The following MINDY2 variants were observed in gnomAD, a reference collection of about 807,000 sequenced individuals.
The protein encoded by MINDY2 is ubiquitin carboxyl-terminal hydrolase MINDY-2.
A neutral mutation model predicts 68.2 loss-of-function variants in MINDY2; 52 were observed. That is an observed-to-expected ratio of 0.76 (90% CI 0.61 to 0.96). MINDY2 has a LOEUF of 0.96. MINDY2 is among the 40% of genes least tolerant of loss of function. The pLI is 0.00. For synonymous variants in MINDY2, 372 were observed against 303.0 expected, an observed-to-expected ratio of 1.23 and a Z score of -2.36; for missense variants, 881 against 773.4, an observed-to-expected ratio of 1.14 and a Z score of -1.65.
At chr15:58,780,629 C>T (rs1020757894) in intron 1 of MINDY2, among the ~76,000 whole-genome samples, 2 of 152,092 alleles carry the variant, frequency 1.3e-5, no homozygotes, top group African/African-American at 2.4e-5. Flanking sequence ...TTCCTTAGAT[C>T]GATTCCTGGG....
chr15:58,821,673 T>G, intron 4 of MINDY2, 44 bp from the exon 5 acceptor site: 1 of 1,223,370 alleles, frequency 8.2e-7, no homozygotes, highest in Non-Finnish European at 1.1e-6. Flanking sequence ...TTTGTTTTGT[T>G]CCTAATCTTA....
At chr15:58,817,076 G>T (rs1176368681) in intron 4 of MINDY2, among the ~76,000 whole-genome samples, 3 of 152,084 alleles carry the variant, frequency 2.0e-5, no homozygotes, top group Admixed American at 6.6e-5. Flanking sequence ...TCAAAAACAA[G>T]ATACAAACCT....
chr15:58,793,851 T>C (rs561282422), intron 2 of MINDY2, among the ~76,000 whole-genome samples: 1 of 151,822 alleles, frequency 6.6e-6, no homozygotes, highest in Non-Finnish European at 1.5e-5. Context: ...AGAGGGAAGG[T>C]ATAAAATAAT....
intron 4 of MINDY2, among the ~76,000 whole-genome samples, chr15:58,821,258 A>G (rs2031042610): frequency 6.6e-6 from 1 of 151,638 alleles, no homozygotes; most frequent in Non-Finnish European, 1.5e-5. Context: ...AAATGGAATA[A>G]TTTTATTAAT....
In MINDY2 at chr15:58,810,254, T is replaced by G. The variant is rs2030136597; in HGVS notation, c.988T>G (p.Leu330Val). 1 of 1,610,418 alleles carries G rather than the reference T, an allele frequency of 6.2e-7. No homozygotes were observed. The highest frequency in any genetic ancestry group is 8.5e-7 in the Non-Finnish European group (1 of 1,179,184). The stretch of plus-strand genomic sequence containing the variant: ...GAATATGAGTGATGCCATGGCAATT[T>G]TGCACAAACTACAGACAGGCCTGGA... ...EQNMSDAMAI[L>V]HKLQTGLDVN... Residue 330 changes from leucine to valine, a missense_variant, in exon 4 of 9, where the codon TTG (leucine) becomes GTG (valine). Coordinates refer to ENST00000559228, the MANE Select transcript of MINDY2 (RefSeq NM_001040450.3).
At position 58,855,359 on chromosome 15, in the gene MINDY2, C is replaced by G. The variant is rs1357439353; in HGVS notation, c.*749C>G. 1 of 152,488 alleles carries G rather than the reference C, an allele frequency of 6.6e-6. No individual in the cohort carries two copies. The highest frequency in any genetic ancestry group is 6.5e-5 in the Admixed American group (1 of 15,270). The allele number at this position is 152,488 out of a possible 1,614,324, so 9.4% of individuals were successfully genotyped here. A position where few individuals can be genotyped will look rare whatever the true frequency, so the allele number is the denominator to read the frequency against. On this transcript the variant is annotated 3_prime_UTR_variant, in exon 9 of 9. Coordinates refer to ENST00000559228, the MANE Select transcript of MINDY2 (RefSeq NM_001040450.3). ...TTTTGAGGAATTTTGGAGTCTTTAT[C>G]ATAGGTAACCTGGACCACAGTTACT...
intron 4 of MINDY2, among the ~76,000 whole-genome samples, chr15:58,820,113 A>G (rs1428192847): frequency 6.6e-6 from 1 of 152,106 alleles, no homozygotes; most frequent in Non-Finnish European, 1.5e-5. Flanking sequence ...TAAAAATACA[A>G]AAATTAGTTG....
Position 58,810,278 on chromosome 15 carries a change from G to T in MINDY2, c.1012G>T (p.Asp338Tyr). The T allele has an allele frequency of 6.2e-7, 1 of 1,613,650 alleles. No individual in the cohort carries two copies. The highest frequency in any genetic ancestry group is 8.5e-7 in the Non-Finnish European group (1 of 1,179,862). The part of the protein sequence containing the change: ...AILHKLQTGL[D>Y]VNVRFTGVRV... Reference sequence around the variant, plus strand: ...TTTGCACAAACTACAGACAGGCCTGGATGTAAATGTAAGATTCACTGGTGT... The same window carrying T: ...TTTGCACAAACTACAGACAGGCCTGTATGTAAATGTAAGATTCACTGGTGT... The change falls in exon 4 of 9, where the codon GAT (aspartate) becomes TAT (tyrosine). Residue 338 changes from aspartate (D) to tyrosine (Y), a missense_variant. Asp to Tyr is a radical substitution (Grantham distance 160). Transcript: ENST00000559228.
chr15:58,777,224 T>C (rs1686586580), intron 1 of MINDY2, among the ~76,000 whole-genome samples: 1 of 152,220 alleles, frequency 6.6e-6, no homozygotes, highest in African/African-American at 2.4e-5. Context: ...GTTAGAGTTA[T>C]CAAGACTTGG....
chr15:58,822,273 A>T (rs540520380), intron 5 of MINDY2, among the ~76,000 whole-genome samples: 95 of 151,976 alleles, frequency 6.3e-4, no homozygotes, highest in African/African-American at 2.1e-3. Context: ...AAAGAAGAAG[A>T]AGTAATCATT....
At chr15:58,836,341 A>G (rs756657053) in intron 6 of MINDY2, among the ~76,000 whole-genome samples, 1 of 151,730 alleles carries the variant, frequency 6.6e-6, no homozygotes. Context: ...TCCATATTCA[A>G]ATTTGCCACT....
chr15:58,788,377 G>A (rs1025176452), intron 2 of MINDY2, among the ~76,000 whole-genome samples: 1 of 152,180 alleles, frequency 6.6e-6, no homozygotes, highest in Admixed American at 6.5e-5. Context: ...TCTACAAAAT[G>A]TTAGTTATCA....
chr15:58,851,865 C>T lies in MINDY2; in HGVS notation c.1637C>T (p.Ala546Val). 6.2e-7 allele frequency: 1 copy of T among 1,613,226 alleles called. No individual in the cohort carries two copies. Among genetic ancestry groups the T allele is most frequent in the Non-Finnish European group, 8.5e-7 (1 of 1,179,642 alleles). Reference sequence around the variant, plus strand: ...GAAGGAATCAGTGATTTGGAACTAGCAAAGAAACTCCAAGAGGAAGAGGAC... The same window carrying T: ...GAAGGAATCAGTGATTTGGAACTAGTAAAGAAACTCCAAGAGGAAGAGGAC... Reference protein sequence around the residue: ...IPEGISDLELAKKLQEEEDRR... With the variant: ...IPEGISDLELVKKLQEEEDRR... Residue 546 changes from alanine (A) to valine (V), a missense_variant, in exon 8 of 9, where the codon GCA (alanine) becomes GTA (valine). Coordinates refer to ENST00000559228, the MANE Select transcript of MINDY2 (RefSeq NM_001040450.3).
Position 58,854,692 on chromosome 15 carries a change from C to G in MINDY2, c.*82C>G, listed in dbSNP as rs1227574361. On this transcript the variant is annotated 3_prime_UTR_variant, in exon 9 of 9. Transcript: ENST00000559228. The stretch of plus-strand genomic sequence containing the variant: ...GGAAAGGAAGAAAAACCGATCAATA[C>G]CGTCTGTGCCTGATTTCCTAATGGA... 1.4e-6 allele frequency: 2 copies of G among 1,441,508 alleles called. No homozygotes were observed. Among genetic ancestry groups the G allele is most frequent in the Non-Finnish European group, 1.8e-6 (2 of 1,083,746 alleles). The allele number at this position is 1,441,508 out of a possible 1,614,324, so 89.3% of individuals were successfully genotyped here. A position where few individuals can be genotyped will look rare whatever the true frequency, so the allele number is the denominator to read the frequency against.
chr15:58,783,813 C>T (rs888676060), intron 1 of MINDY2, among the ~76,000 whole-genome samples: 6 of 152,016 alleles, frequency 3.9e-5, no homozygotes, highest in African/African-American at 1.4e-4. Context: ...AGCATGGTGG[C>T]GCACACCTGT....
At position 58,851,700 on chromosome 15, in the gene MINDY2, G is replaced by A. The variant is rs1171525104; in HGVS notation, c.1543-71G>A. 2.2e-5 allele frequency: 25 copies of A among 1,153,114 alleles called. No homozygotes were observed. In the Admixed American group the frequency reaches 3.0e-4, roughly 14 times the overall value. 71.4% of individuals were successfully genotyped at this position (1,153,114 alleles called of 1,614,324 possible). ...ATTCTTACAGCTTTATAGATATAAC[G>A]TTTGTATTTGCAGTCATTCATTCTT... is the stretch of plus-strand genomic sequence containing the variant. On this transcript the variant is annotated intron_variant, in intron 7 of 8. Transcript: ENST00000559228.
chr15:58,819,592 C>T (rs2030930946), intron 4 of MINDY2, among the ~76,000 whole-genome samples: 1 of 152,182 alleles, frequency 6.6e-6, no homozygotes. Context: ...AAGATACCCT[C>T]CTGCCTCAGC....
chr15:58,797,743 G>A (rs2140943845), intron 2 of MINDY2, among the ~76,000 whole-genome samples: 1 of 152,218 alleles, frequency 6.6e-6, no homozygotes, highest in South Asian at 2.1e-4. Flanking sequence ...GTTATCACTA[G>A]CACTCTACTT....
rs2033048220 is a variant in MINDY2, at chr15:58,855,962, G to T, written c.*1352G>T. On this transcript the variant is annotated 3_prime_UTR_variant, in exon 9 of 9. Transcript: ENST00000559228. ...AGAGTAGCTAAGAATTTATGTAAAAGCAATCAGAGTTTTTAATTTATGGGA... is the reference window on the plus strand; with the variant it reads ...AGAGTAGCTAAGAATTTATGTAAAATCAATCAGAGTTTTTAATTTATGGGA... The T allele has an allele frequency of 6.6e-6, 1 of 152,250 alleles. No homozygotes were observed. The highest frequency in any genetic ancestry group is 1.5e-5 in the Non-Finnish European group (1 of 67,980). 9.4% of individuals were successfully genotyped at this position (152,250 alleles called of 1,614,324 possible).
Sources: allele counts gnomAD v4.1 joint callset (sites outside exome capture counted in the v4.1 genomes callset), GRCh38; gene constraint gnomAD v4.1.1; transcripts MANE v1.5; gene names NCBI Gene and HGNC (gene_info 2026-07-23, HGNC 2026-07-21).